The following MDGA2 variants were observed in gnomAD, a reference collection of about 807,000 sequenced individuals.
MDGA2 encodes MAM domain-containing glycosylphosphatidylinositol anchor protein 2.
MDGA2 carries 40 observed loss-of-function variants against 117.8 expected under a neutral mutation model. The observed-to-expected ratio is 0.34, with a 90% confidence interval of 0.26 to 0.44. The LOEUF (loss-of-function observed/expected upper bound fraction) is 0.44, where lower values mean the gene tolerates loss of function less well. Ranked by LOEUF, MDGA2 falls within the 20% of genes least tolerant of loss-of-function variation. MDGA2 has a pLI of 1.00. For synonymous variants in MDGA2, 452 were observed against 439.0 expected (o/e 1.03, Z -0.37); for missense variants, 1,123 against 1,250.6 (o/e 0.90, Z 1.54).
intron 1 of MDGA2, among the ~76,000 whole-genome samples, chr14:47,431,679 A>T (rs905627721): frequency 1.3e-5 from 2 of 152,058 alleles, no homozygotes; most frequent in South Asian, 2.1e-4. Flanking sequence ...ACAGTATCAT[A>T]TTATTACAAA....
At chr14:47,343,172 C>T in intron 1 of MDGA2, 2 of 1,151,720 alleles carry the variant, frequency 1.7e-6, no homozygotes, top group African/African-American at 3.2e-5. Flanking sequence ...TTCCACTTAT[C>T]ATTCTGGTAC....
intron 8 of MDGA2, among the ~76,000 whole-genome samples, chr14:46,973,613 TA>T (rs994997974): frequency 6.6e-6 from 1 of 152,146 alleles, no homozygotes; most frequent in African/African-American, 2.4e-5. Context: ...TATATGCATT[TA>T]AAAATGTAGG....
intron 9 of MDGA2, among the ~76,000 whole-genome samples, chr14:46,939,847 A>G (rs185231200): frequency 1.4e-4 from 22 of 152,328 alleles, no homozygotes; most frequent in Non-Finnish European, 1.5e-5. Context: ...CAGGCTGTCC[A>G]AAGTCCATTT....
At chr14:47,534,478 T>G (rs1375409584) in intron 1 of MDGA2, among the ~76,000 whole-genome samples, 1 of 152,162 alleles carries the variant, frequency 6.6e-6, no homozygotes, top group African/African-American at 2.4e-5. Flanking sequence ...CTTAAAATCC[T>G]GGTGGAAGGG....
At chr14:46,844,999 G>A (rs1166687139) in intron 16 of MDGA2, among the ~76,000 whole-genome samples, 6 of 151,964 alleles carry the variant, frequency 3.9e-5, no homozygotes, top group Admixed American at 1.3e-4. Context: ...CTCCTGCCTC[G>A]GCCTCCCGAG....
intron 2 of MDGA2, among the ~76,000 whole-genome samples, chr14:47,271,141 T>A (rs1417386719): frequency 6.6e-6 from 1 of 152,216 alleles, no homozygotes. Flanking sequence ...GACCTCCATA[T>A]CTGCACCCCA....
intron 3 of MDGA2, among the ~76,000 whole-genome samples, chr14:47,180,712 A>C (rs7142861): frequency 1.3e-5 from 2 of 151,962 alleles, no homozygotes. Flanking sequence ...CATGAGGTCA[A>C]GAATTCGAGA....
chr14:47,361,948 T>C (rs536414255), intron 1 of MDGA2, among the ~76,000 whole-genome samples: 1 of 152,350 alleles, frequency 6.6e-6, no homozygotes, highest in African/African-American at 2.4e-5. Flanking sequence ...TTTCTGGTGG[T>C]AAAATATGTC....
intron 8 of MDGA2, among the ~76,000 whole-genome samples, chr14:47,000,018 C>T (rs1051924484): frequency 3.3e-5 from 5 of 151,712 alleles, no homozygotes; most frequent in Admixed American, 2.0e-4. Flanking sequence ...TTGATAGCTG[C>T]ACACATTTTA....
chr14:47,339,283 A>G (rs1280786411), intron 1 of MDGA2, among the ~76,000 whole-genome samples: 2 of 152,308 alleles, frequency 1.3e-5, no homozygotes, highest in East Asian at 3.9e-4. Flanking sequence ...AATTACAAAT[A>G]ATACAAAAAG....
intron 8 of MDGA2, among the ~76,000 whole-genome samples, chr14:47,018,835 A>G (rs929160800): frequency 3.9e-5 from 5 of 127,566 alleles, no homozygotes; most frequent in African/African-American, 1.3e-4. Context: ...ATCTATACCT[A>G]TTGATGCTGT....
At chr14:47,058,761 A>G (rs1307826718) in intron 7 of MDGA2, 21 of 985,228 alleles carry the variant, frequency 2.1e-5, no homozygotes, top group Non-Finnish European at 2.4e-5. Context: ...AGAATATGTA[A>G]TCATCTTCAG....
intron 1 of MDGA2, among the ~76,000 whole-genome samples, chr14:47,663,628 T>C (rs1897890479): frequency 2.6e-5 from 4 of 152,202 alleles, no homozygotes; most frequent in Admixed American, 2.6e-4. Context: ...TTCAGTTAAT[T>C]CTAATTTAAA....
intron 15 of MDGA2, among the ~76,000 whole-genome samples, chr14:46,849,200 T>C (rs1341911073): frequency 3.9e-5 from 6 of 151,960 alleles, no homozygotes; most frequent in Non-Finnish European, 7.4e-5. Flanking sequence ...TGATAAAGAA[T>C]CTATTTTAAT....
intron 5 of MDGA2, among the ~76,000 whole-genome samples, chr14:47,124,722 G>T (rs577352939): frequency 5.9e-5 from 9 of 152,090 alleles, no homozygotes; most frequent in African/African-American, 2.2e-4. Context: ...ATCAAATATG[G>T]CTAGTGTCCA....
chr14:47,362,584 T>C (rs1891148578), intron 1 of MDGA2, among the ~76,000 whole-genome samples: 1 of 152,184 alleles, frequency 6.6e-6, no homozygotes, highest in African/African-American at 2.4e-5. Flanking sequence ...TTGCATTTTT[T>C]TCTAAAAAGA....
chr14:47,441,179 A>G (rs1178461421), intron 1 of MDGA2, among the ~76,000 whole-genome samples: 2 of 152,142 alleles, frequency 1.3e-5, no homozygotes, highest in Non-Finnish European at 2.9e-5. Flanking sequence ...GAGATCCTTT[A>G]ATAGGCAAGA....
At chr14:47,357,982 G>GT (rs1049211355) in intron 1 of MDGA2, among the ~76,000 whole-genome samples, 109 of 152,162 alleles carry the variant, frequency 7.2e-4, no homozygotes, top group Non-Finnish European at 6.8e-4. Context: ...TAGTCCCTGG[G>GT]TTTTCTGGTA....
chr14:47,563,339 G>A (rs1303690031), intron 1 of MDGA2, among the ~76,000 whole-genome samples: 1 of 152,022 alleles, frequency 6.6e-6, no homozygotes, highest in East Asian at 1.9e-4. Context: ...TGGGCATGCT[G>A]CAGTCTCCCA....
Sources: allele counts gnomAD v4.1 joint callset (sites outside exome capture counted in the v4.1 genomes callset), GRCh38; gene constraint gnomAD v4.1.1; transcripts MANE v1.5; gene names NCBI Gene and HGNC (gene_info 2026-07-23, HGNC 2026-07-21).